TAPT1: variants seen among roughly 807,000 people sequenced by gnomAD.
The protein encoded by TAPT1 is transmembrane anterior posterior transformation 1.
A neutral mutation model predicts 65.6 loss-of-function variants in TAPT1; 28 were observed. That is an observed-to-expected ratio of 0.43 (90% CI 0.32 to 0.59). TAPT1 has a LOEUF of 0.59. Among genes scored for constraint, TAPT1 ranks in the 20% least tolerant of loss-of-function variants. The pLI is 0.09. For synonymous variants in TAPT1, 278 were observed against 245.2 expected (o/e 1.13, Z -1.25); for missense variants, 563 against 679.9 (o/e 0.83, Z 1.91).
chr4:16,163,584 T>C, intron 13 of TAPT1, 47 bp from the exon 14 acceptor site: 1 of 1,448,552 alleles, frequency 6.9e-7, no homozygotes, highest in Non-Finnish European at 9.5e-7. Flanking sequence ...TTTTCTCCAA[T>C]TATTAATAAA....
rs374854981 is a variant in TAPT1, at chr4:16,215,700, A to G, written c.200-1802T>C. Among the ~76,000 whole-genome samples the G allele has an allele frequency of 6.4e-4, 98 of 152,210 alleles. 1 individual carries two copies. Among genetic ancestry groups the G allele is most frequent in the African/African-American group, 2.2e-3 (92 of 41,454 alleles). ...TTTACAGTTGAAGTCACATGGGTTA[A>G]GTGCACGCAATATGTAAACTCTATT... On this transcript the variant is annotated intron_variant, in intron 1 of 13. Transcript: ENST00000405303.
At chr4:16,184,395 AGTTT>A (rs1467334908) in intron 7 of TAPT1, among the ~76,000 whole-genome samples, 2 of 152,156 alleles carry the variant, frequency 1.3e-5, no homozygotes, top group African/African-American at 2.4e-5. Flanking sequence ...ATGGATATAC[AGTTT>A]GTTTATTTTC....
At chr4:16,203,203 A>T (rs888951416) in intron 2 of TAPT1, among the ~76,000 whole-genome samples, 3 of 152,140 alleles carry the variant, frequency 2.0e-5, no homozygotes, top group African/African-American at 7.2e-5. Context: ...TCTTTCGAGG[A>T]CTTGGCCAAG....
chr4:16,172,317 C>G (rs1185384100), intron 11 of TAPT1, among the ~76,000 whole-genome samples: 1 of 150,962 alleles, frequency 6.6e-6, no homozygotes, highest in Non-Finnish European at 1.5e-5. Flanking sequence ...TTTGGCAAAG[C>G]AGGATCATAT....
At chr4:16,186,473 T>A in intron 7 of TAPT1, 62 bp downstream of exon 7, 1 of 1,118,490 alleles carries the variant, frequency 8.9e-7, no homozygotes, top group Non-Finnish European at 1.3e-6. Flanking sequence ...GCCATTAGGA[T>A]TTCAGAATGA....
intron 4 of TAPT1, chr4:16,191,028 AGGGGGTACT>A (rs766900278): frequency 1.4e-5 from 3 of 212,422 alleles, no homozygotes; most frequent in Non-Finnish European, 2.8e-5. Flanking sequence ...TGGATACTCA[AGGGGGTACT>A]GGTTCTAAAA....
At chr4:16,189,058 G>A (rs1212909324) in intron 4 of TAPT1, among the ~76,000 whole-genome samples, 1 of 152,094 alleles carries the variant, frequency 6.6e-6, no homozygotes, top group African/African-American at 2.4e-5. Context: ...GTAAATAATG[G>A]TAACTATTTT....
At chr4:16,202,171 C>CT (rs1413855897) in intron 3 of TAPT1, among the ~76,000 whole-genome samples, 1 of 152,140 alleles carries the variant, frequency 6.6e-6, no homozygotes, top group Non-Finnish European at 1.5e-5. Context: ...AGGTCTTTGA[C>CT]TTTCAGACCC....
intron 3 of TAPT1, among the ~76,000 whole-genome samples, chr4:16,194,628 G>A (rs1177900179): frequency 6.6e-6 from 1 of 151,794 alleles, no homozygotes; most frequent in African/African-American, 2.4e-5. Flanking sequence ...TCTATCATTT[G>A]GTATTTCTAA....
intron 2 of TAPT1, among the ~76,000 whole-genome samples, chr4:16,206,346 A>G (rs1750344324): frequency 6.6e-6 from 1 of 152,252 alleles, no homozygotes; most frequent in African/African-American, 2.4e-5. Flanking sequence ...GAATACTGTT[A>G]TATTTTAAGC....
intron 7 of TAPT1, chr4:16,183,178 T>C (rs536645613): frequency 2.6e-5 from 4 of 152,226 alleles, no homozygotes; most frequent in African/African-American, 9.6e-5. Flanking sequence ...GCCTAGAATA[T>C]TTTTTTTCTT....
intron 4 of TAPT1, among the ~76,000 whole-genome samples, chr4:16,189,219 C>T (rs1315749089): frequency 1.3e-5 from 2 of 152,138 alleles, no homozygotes; most frequent in East Asian, 3.9e-4. Flanking sequence ...AGTCTGAATG[C>T]CACATCCTAA....
chr4:16,196,644 C>G (rs1207708525), intron 3 of TAPT1: 13 of 1,277,542 alleles, frequency 1.0e-5, no homozygotes, highest in Non-Finnish European at 1.3e-5. Flanking sequence ...AAGGAAAAAT[C>G]AGGGTTTACT....
At chr4:16,164,467 G>A (rs1234290574) in intron 13 of TAPT1, among the ~76,000 whole-genome samples, 6 of 152,166 alleles carry the variant, frequency 3.9e-5, no homozygotes, top group South Asian at 2.1e-4. Flanking sequence ...CACTCAGGTC[G>A]TCATCCTGAA....
chr4:16,207,533 G>A (rs140587867), intron 2 of TAPT1, among the ~76,000 whole-genome samples: 1 of 152,080 alleles, frequency 6.6e-6, no homozygotes, highest in African/African-American at 2.4e-5. Context: ...TTCCTCACAG[G>A]CAAACTCATT....
intron 2 of TAPT1, among the ~76,000 whole-genome samples, chr4:16,208,173 GAATTA>G (rs944495747): frequency 1.3e-4 from 20 of 152,244 alleles, no homozygotes; most frequent in Middle Eastern, 3.4e-3. Flanking sequence ...TGTAATTGTA[GAATTA>G]AATTAGAATT....
chr4:16,179,743 G>A lies in TAPT1; in HGVS notation c.917-86C>T, dbSNP rs925572690. On this transcript the variant is annotated intron_variant, in intron 7 of 13. Coordinates refer to ENST00000405303, the MANE Select transcript of TAPT1 (RefSeq NM_153365.3). ...TATATAATTATTTTAGCCAGAACATGATGAAATTATTAGACGATGTATAAA... is the reference window on the plus strand; with the variant it reads ...TATATAATTATTTTAGCCAGAACATAATGAAATTATTAGACGATGTATAAA... 21 of 621,230 alleles carry A rather than the reference G, an allele frequency of 3.4e-5. No individual in the cohort carries two copies. The African/African-American group carries it at 3.7e-4, about 11-fold the overall frequency. 38.5% of individuals were successfully genotyped at this position (621,230 alleles called of 1,614,324 possible).
chr4:16,171,958 T>G (rs753679517), intron 11 of TAPT1, among the ~76,000 whole-genome samples: 2 of 152,150 alleles, frequency 1.3e-5, no homozygotes, highest in Non-Finnish European at 2.9e-5. Flanking sequence ...ATTGCCATCC[T>G]TGTGCCTTAA....
intron 3 of TAPT1, among the ~76,000 whole-genome samples, chr4:16,194,831 C>T (rs1047974228): frequency 6.6e-6 from 1 of 151,720 alleles, no homozygotes; most frequent in African/African-American, 2.4e-5. Context: ...AGAAGCAGAA[C>T]CTTTAAAAAA....
Sources: gnomAD v4.1 joint callset for allele counts (sites outside exome capture counted in the v4.1 genomes callset) on GRCh38, gnomAD v4.1.1 for gene constraint, MANE v1.5 for transcripts, NCBI Gene and HGNC (gene_info 2026-07-23, HGNC 2026-07-21) for gene names.